Variants in CSNK1G3 observed in about 807,000 individuals in gnomAD.
CSNK1G3 encodes the protein casein kinase 1 gamma 3.
CSNK1G3 carries 23 observed loss-of-function variants against 64.3 expected under a neutral mutation model. That is an observed-to-expected ratio of 0.36 (90% confidence interval 0.26 to 0.51). The LOEUF (loss-of-function observed/expected upper bound fraction) is 0.51, where lower values mean the gene tolerates loss of function less well. CSNK1G3 is among the 20% of genes least tolerant of loss of function. The pLI is 0.96. For synonymous variants in CSNK1G3, 158 were observed against 162.2 expected (o/e 0.97, Z 0.20); for missense variants, 357 against 510.5 (o/e 0.70, Z 2.90).
At chr5:123,580,658 A>G (rs1046873156) in intron 6 of CSNK1G3, among the ~76,000 whole-genome samples, 2 of 151,874 alleles carry the variant, frequency 1.3e-5, no homozygotes, top group Non-Finnish European at 2.9e-5. Context: ...TCTGCTTTTT[A>G]ATATCTTTTT....
intron 1 of CSNK1G3, among the ~76,000 whole-genome samples, chr5:123,517,181 A>G (rs949798521): frequency 3.9e-5 from 6 of 152,220 alleles, no homozygotes; most frequent in African/African-American, 1.4e-4. Context: ...ACCTCTGCTT[A>G]ACCCACTCGT....
At chr5:123,574,669 T>A (rs1349417511) in intron 5 of CSNK1G3, among the ~76,000 whole-genome samples, 124 of 143,954 alleles carry the variant, frequency 8.6e-4, no homozygotes, top group South Asian at 2.9e-3. Context: ...AAAATAAAAA[T>A]AAAAAAAAAA....
intron 12 of CSNK1G3, among the ~76,000 whole-genome samples, chr5:123,611,884 CTT>C (rs1381835324): frequency 6.6e-6 from 1 of 152,100 alleles, no homozygotes; most frequent in Non-Finnish European, 1.5e-5. Flanking sequence ...TTTTTCTGCT[CTT>C]TTCTAAGTCT....
intron 1 of CSNK1G3, among the ~76,000 whole-genome samples, chr5:123,534,769 C>T (rs551926696): frequency 3.3e-5 from 5 of 152,204 alleles, no homozygotes; most frequent in Non-Finnish European, 5.9e-5. Context: ...CTGAGTAGAT[C>T]ACTTAGCTAA....
At chr5:123,590,376 A>G (rs1024720385) in intron 8 of CSNK1G3, 34 bp from the exon 9 acceptor site, 3 of 1,128,722 alleles carry the variant, frequency 2.7e-6, no homozygotes, top group Non-Finnish European at 3.6e-6. Flanking sequence ...ATTAAAGAAA[A>G]GTATAGTCCA....
At chr5:123,593,776 A>C (rs1792887211) in intron 10 of CSNK1G3, among the ~76,000 whole-genome samples, 1 of 152,058 alleles carries the variant, frequency 6.6e-6, no homozygotes, top group South Asian at 2.1e-4. Context: ...GTAATTTTGC[A>C]TTGTACAATT....
At chr5:123,547,309 C>T (rs1782708967) in intron 2 of CSNK1G3, among the ~76,000 whole-genome samples, 4 of 152,094 alleles carry the variant, frequency 2.6e-5, no homozygotes, top group Admixed American at 2.6e-4. Context: ...ACTATACTTG[C>T]ATATACTTTG....
At chr5:123,591,588 T>C (rs1165131647) in intron 10 of CSNK1G3, among the ~76,000 whole-genome samples, 174 bp downstream of exon 10, 1 of 151,402 alleles carries the variant, frequency 6.6e-6, no homozygotes, top group Non-Finnish European at 1.5e-5. Flanking sequence ...TGTTTAATCA[T>C]AAATCCTTAA....
intron 1 of CSNK1G3, among the ~76,000 whole-genome samples, chr5:123,513,532 C>T (rs1199640320): frequency 6.6e-6 from 1 of 152,016 alleles, no homozygotes; most frequent in East Asian, 1.9e-4. Context: ...TTTAAATCTT[C>T]TATTAAAATA....
At chr5:123,578,626 C>T (rs182634820) in intron 6 of CSNK1G3, among the ~76,000 whole-genome samples, 1 of 151,894 alleles carries the variant, frequency 6.6e-6, no homozygotes, top group South Asian at 2.1e-4. Flanking sequence ...TCTAGTTTAT[C>T]AGTTTTTTTG....
intron 4 of CSNK1G3, among the ~76,000 whole-genome samples, chr5:123,565,095 T>C (rs533979646): frequency 1.3e-5 from 2 of 152,222 alleles, no homozygotes; most frequent in Non-Finnish European, 2.9e-5. Flanking sequence ...ATTTTGTTGA[T>C]ATACTTTCCA....
At chr5:123,588,770 T>C (rs1791791502) in intron 8 of CSNK1G3, among the ~76,000 whole-genome samples, 1 of 152,188 alleles carries the variant, frequency 6.6e-6, no homozygotes, top group African/African-American at 2.4e-5. Flanking sequence ...TTTAGTGATA[T>C]ACTTTTAATG....
intron 1 of CSNK1G3, among the ~76,000 whole-genome samples, chr5:123,517,751 T>A (rs749255980): frequency 6.6e-6 from 1 of 152,176 alleles, no homozygotes; most frequent in Non-Finnish European, 1.5e-5. Flanking sequence ...TGAATGGACA[T>A]TTTTGTTTTA....
chr5:123,543,642 A>C (rs533599771), intron 1 of CSNK1G3, among the ~76,000 whole-genome samples: 1 of 152,254 alleles, frequency 6.6e-6, no homozygotes, highest in African/African-American at 2.4e-5. Flanking sequence ...GTGGTCAGGA[A>C]ATTGCTCCTA....
chr5:123,576,046 T>G, intron 6 of CSNK1G3, 83 bp downstream of exon 6: 1 of 811,526 alleles, frequency 1.2e-6, no homozygotes, highest in Non-Finnish European at 2.0e-6. Flanking sequence ...ATGGTTCAGT[T>G]TTTGCAGATT....
At chr5:123,596,248 G>T (rs533932829) in intron 10 of CSNK1G3, among the ~76,000 whole-genome samples, 2 of 152,034 alleles carry the variant, frequency 1.3e-5, no homozygotes, top group Non-Finnish European at 2.9e-5. Context: ...AGACTTATTT[G>T]AGTAGATCTA....
intron 10 of CSNK1G3, among the ~76,000 whole-genome samples, chr5:123,601,580 A>G (rs1364566490): frequency 2.0e-5 from 3 of 152,226 alleles, no homozygotes; most frequent in African/African-American, 7.2e-5. Flanking sequence ...AGTCAGGTAT[A>G]AAAAGTCTTC....
At chr5:123,616,742 A>G (rs1008277683) in exon 13 of CSNK1G3, 9 of 152,598 alleles carry the variant, frequency 5.9e-5, no homozygotes, top group Non-Finnish European at 1.3e-4. Flanking sequence ...TGAAAAAGAA[A>G]TAAAAAAAAA....
At position 123,614,335 on chromosome 5, in the gene CSNK1G3, T is replaced by C; in HGVS notation, c.1218-7T>C. On this transcript the variant is annotated splice_polypyrimidine_tract_variant and splice_region_variant and intron_variant, in intron 12 of 12. Coordinates refer to ENST00000345990, the Ensembl canonical transcript of CSNK1G3. ...TAAAATAAAAAGAGTGTTTCCCTCA[T>C]CTGCAGGTGCTGCTGTTTTTTCAAA... 6.2e-7 allele frequency: 1 copy of C among 1,612,548 alleles called. No individual in the cohort carries two copies. Among genetic ancestry groups the C allele is most frequent in the Non-Finnish European group, 8.5e-7 (1 of 1,179,410 alleles).
Sources: gnomAD v4.1 joint callset for allele counts (sites outside exome capture counted in the v4.1 genomes callset) on GRCh38, gnomAD v4.1.1 for gene constraint, MANE v1.5 for transcripts, NCBI Gene and HGNC (gene_info 2026-07-23, HGNC 2026-07-21) for gene names.